F5: variants seen among roughly 807,000 people sequenced by gnomAD.
The protein encoded by F5 is activated protein c cofactor.
F5 carries 138 observed loss-of-function variants against 216.4 expected under a neutral mutation model. The ratio of observed to expected loss-of-function variants is 0.64; its 90% CI spans 0.56 to 0.73. F5 has a LOEUF of 0.73. F5 is among the 30% of genes least tolerant of loss of function. F5 has a pLI of 0.00. For missense variants in F5, 2,403 were observed against 2,674.0 expected, an observed-to-expected ratio of 0.90 and a Z score of 2.24; for synonymous variants, 916 against 930.7, an observed-to-expected ratio of 0.98 and a Z score of 0.29.
At chr1:169,524,976 T>C (rs1659404655) in intron 18 of F5, 68 bp from the exon 19 acceptor site, 1 of 1,218,294 alleles carries the variant, frequency 8.2e-7, no homozygotes, top group African/African-American at 1.5e-5. Context: ...TAAAACTCCA[T>C]GGTTAGGGAT....
In F5 at chr1:169,542,297, C is replaced by T. The variant is rs775248148; in HGVS notation, c.2793G>A (p.Leu931=). Residue 931 remains leucine (L), a synonymous_variant, in exon 13 of 25, where the codon CTG becomes CTA. Transcript: ENST00000367797. ...MRPWKDPPSD[L]LLLKQSNSSK... Reference sequence around the variant, plus strand: ...ATGAGTTACTTTGTTTTAAGAGTAACAGATCACTAGGAGGGTCCTTCCAGG... The same window carrying T: ...ATGAGTTACTTTGTTTTAAGAGTAATAGATCACTAGGAGGGTCCTTCCAGG... 6.8e-6 allele frequency: 11 copies of T among 1,614,086 alleles called. No homozygotes were observed. Among genetic ancestry groups the T allele is most frequent in the South Asian group, 4.4e-5 (4 of 91,082 alleles).
chr1:169,558,586 A>G (rs1660383189), intron 5 of F5, among the ~76,000 whole-genome samples: 1 of 152,184 alleles, frequency 6.6e-6, no homozygotes, highest in Non-Finnish European at 1.5e-5. Flanking sequence ...TCTACCAGAG[A>G]GAAATAGAAG....
chr1:169,547,120 C>T (rs1426767473), intron 10 of F5, among the ~76,000 whole-genome samples: 3 of 152,098 alleles, frequency 2.0e-5, no homozygotes, highest in South Asian at 2.1e-4. Flanking sequence ...GAGCTGAGAT[C>T]GTACCACTGC....
At position 169,552,747 on chromosome 1, in the gene F5, T is replaced by TA. The variant is rs752714857; in HGVS notation, c.1119-14dup. 1.2e-4 allele frequency: 192 copies of TA among 1,589,726 alleles called. 1 individual carries two copies. The highest frequency in any genetic ancestry group is 1.4e-4 in the Non-Finnish European group (160 of 1,161,370). ...AGACCTGTATTTTCTTAAAGTGAAG[T>TA]AAAAAAAAATTAAACCACTTTCTCA... On this transcript the variant is annotated splice_polypyrimidine_tract_variant and intron_variant, in intron 7 of 24. Transcript: ENST00000367797.
At chr1:169,522,914 T>C (rs1349140059) in intron 21 of F5, among the ~76,000 whole-genome samples, 2 of 152,350 alleles carry the variant, frequency 1.3e-5, no homozygotes, top group South Asian at 2.1e-4. Context: ...CTCTGCCGTA[T>C]ACCATTGGCC....
rs1490854026 is a variant in F5 at position 169,542,138 on chromosome 1, T to C, written c.2952A>G (p.Glu984=). The C allele has an allele frequency of 6.2e-7, 1 of 1,614,072 alleles. No homozygotes were observed. Among genetic ancestry groups the C allele is most frequent in the East Asian group, 2.2e-5 (1 of 44,880 alleles). Reference sequence around the variant, plus strand: ...CAGGCTTGTTGGCAAGAGGGGTGCTTTCTCCCCAAGCACGTGAGGCATTCT... The same window carrying C: ...CAGGCTTGTTGGCAAGAGGGGTGCTCTCTCCCCAAGCACGTGAGGCATTCT... The part of the protein sequence containing the change: ...SPQNASRAWG[E]STPLANKPGK... Residue 984 remains glutamate, a synonymous_variant, in exon 13 of 25, where the codon GAA becomes GAG. Transcript: ENST00000367797.
chr1:169,581,088 G>C (rs1420706843), intron 2 of F5, among the ~76,000 whole-genome samples: 1 of 152,138 alleles, frequency 6.6e-6, no homozygotes, highest in African/African-American at 2.4e-5. Flanking sequence ...CCTTGGTTTT[G>C]GGTGAGATTC....
At chr1:169,553,398 G>A (rs1660221458) in intron 7 of F5, among the ~76,000 whole-genome samples, 1 of 152,152 alleles carries the variant, frequency 6.6e-6, no homozygotes. Flanking sequence ...CAGTGTTCAT[G>A]AGAGAAATGC....
chr1:169,560,503 C>A (rs1188037408), intron 4 of F5, 51 bp downstream of exon 4: 2 of 1,581,176 alleles, frequency 1.3e-6, no homozygotes, highest in Non-Finnish European at 1.7e-6. Flanking sequence ...GACAGAACTC[C>A]TGACCATTCC....
chr1:169,538,488 T>C (rs189647829), intron 13 of F5, among the ~76,000 whole-genome samples: 2 of 152,300 alleles, frequency 1.3e-5, no homozygotes, highest in East Asian at 3.9e-4. Flanking sequence ...CACAAAAAAG[T>C]ATGTGAGGTA....
chr1:169,573,236 C>T (rs941974344), intron 2 of F5, among the ~76,000 whole-genome samples: 4 of 147,992 alleles, frequency 2.7e-5, no homozygotes, highest in East Asian at 1.9e-4. Context: ...GTGTGAGCCA[C>T]CACGCCTCGT....
At chr1:169,559,876 G>A (rs572258602) in intron 4 of F5, among the ~76,000 whole-genome samples, 1 of 145,776 alleles carries the variant, frequency 6.9e-6, no homozygotes, top group African/African-American at 2.7e-5. Context: ...AATACATTGG[G>A]CATGTATGTA....
chr1:169,576,599 C>G (rs932938471), intron 2 of F5, among the ~76,000 whole-genome samples: 3 of 152,070 alleles, frequency 2.0e-5, no homozygotes, highest in African/African-American at 7.2e-5. Flanking sequence ...AGGCTCAGGC[C>G]CCCATCTTTA....
rs1257193113 is a variant in F5 at position 169,555,309 on chromosome 1, T to G, written c.991A>C (p.Lys331Gln). The change falls in exon 7 of 25, where the codon AAG becomes CAG. Residue 331 changes from lysine (K) to glutamine (Q), a missense_variant. Around this residue, in one of 4 missense-constraint regions of F5, gnomAD observed 1,425 missense variants for 1,554.8 expected, o/e 0.92. Transcript: ENST00000367797. ...ATTTTCTTAAGATTCCTGGTTTTCT[T>G]TGGGCAGTTTTTAATGTCAATGTAA... ...QAYIDIKNCP[K>Q]KTRNLKKITR... The G allele has an allele frequency of 1.2e-6, 2 of 1,614,094 alleles. No individual in the cohort carries two copies. The highest frequency in any genetic ancestry group is 8.5e-7 in the Non-Finnish European group (1 of 1,180,016).
At chr1:169,561,850 C>T (rs1405581753) in intron 3 of F5, among the ~76,000 whole-genome samples, 5 of 152,070 alleles carry the variant, frequency 3.3e-5, no homozygotes, top group African/African-American at 1.2e-4. Flanking sequence ...TAAAACTCCT[C>T]TTACTGAAGC....
chr1:169,511,972 TATTTCAAA>T lies in F5; in HGVS notation c.*2333_*2340del, dbSNP rs1659034850. On this transcript the variant is annotated 3_prime_UTR_variant, in exon 25 of 25. Coordinates refer to ENST00000367797, the MANE Select transcript of F5 (RefSeq NM_000130.5). The stretch of plus-strand genomic sequence containing the variant: ...AGAAATAAAAAGTGGGTATCTTTTT[TATTTCAAA>T]ATAACAGGGGTTTTAATATTTCTAC... 6.6e-6 allele frequency among the ~76,000 whole-genome samples: 1 copy of T among 152,030 alleles called. No homozygotes were observed.
intron 3 of F5, among the ~76,000 whole-genome samples, chr1:169,561,248 C>G (rs529201972): frequency 1.3e-5 from 2 of 151,016 alleles, no homozygotes; most frequent in African/African-American, 2.4e-5. Flanking sequence ...TTTGTTTTAT[C>G]TCTTTATTTC....
Position 169,542,295 on chromosome 1 carries a change from A to C in F5, c.2795T>G (p.Leu932Ter). ...AGATGAGTTACTTTGTTTTAAGAGT[A>C]ACAGATCACTAGGAGGGTCCTTCCA... ...RPWKDPPSDL[L>*]LLKQSNSSKI... Residue 932 changes from leucine (L) to a stop codon, truncating the protein, a stop_gained, in exon 13 of 25, where the codon TTA becomes TGA. Transcript: ENST00000367797. LOFTEE classifies it high-confidence loss of function. 1 of 1,614,158 alleles carries C rather than the reference A, an allele frequency of 6.2e-7. No homozygotes were observed. The highest frequency in any genetic ancestry group is 8.5e-7 in the Non-Finnish European group (1 of 1,180,004).
chr1:169,515,409 C>T, intron 24 of F5, 35 bp downstream of exon 24: 1 of 1,610,110 alleles, frequency 6.2e-7, no homozygotes, highest in Non-Finnish European at 8.5e-7. Context: ...GCACAGTCTT[C>T]AGATTGCTTT....
Sources: gnomAD v4.1 joint callset for allele counts (sites outside exome capture counted in the v4.1 genomes callset) on GRCh38, gnomAD v4.1.1 for gene constraint, gnomAD v4.1.1 regional missense constraint, MANE v1.5 for transcripts, NCBI Gene and HGNC (gene_info 2026-07-23, HGNC 2026-07-21) for gene names.